Variants in SYT9 observed in about 807,000 individuals in gnomAD.
The protein encoded by SYT9 is synaptotagmin 9, also known as synaptotagmin-9.
Under a neutral mutation model 48.4 loss-of-function variants are expected in SYT9, and 22 were observed. That is an observed-to-expected ratio of 0.45 (90% confidence interval 0.32 to 0.65). The LOEUF (loss-of-function observed/expected upper bound fraction) is 0.65. Among genes scored for constraint, SYT9 ranks in the 30% least tolerant of loss-of-function variants. SYT9 has a pLI of 0.03. For synonymous variants in SYT9, 265 were observed against 245.0 expected (o/e 1.08, Z -0.76); for missense variants, 577 against 622.0 (o/e 0.93, Z 0.77).
At chr11:7,394,552 C>T (rs1846708359) in intron 3 of SYT9, among the ~76,000 whole-genome samples, 1 of 152,026 alleles carries the variant, frequency 6.6e-6, no homozygotes, top group South Asian at 2.1e-4. Flanking sequence ...CTTGATTGTG[C>T]TTGTTTAGAT....
intron 3 of SYT9, among the ~76,000 whole-genome samples, chr11:7,387,328 G>T (rs942424083): frequency 6.6e-6 from 1 of 151,552 alleles, no homozygotes; most frequent in Non-Finnish European, 1.5e-5. Flanking sequence ...GAACTATGAG[G>T]AATAACCCTA....
At position 7,454,333 on chromosome 11, in the gene SYT9, T is replaced by C. The variant is rs1014036981; in HGVS notation, c.1468-12459T>C. Reference sequence around the variant, plus strand: ...TCCAGATGATGCTTACCATTTCCGCTCTCTGCTGCACTCCAGGCTTCTCTA... The same window carrying C: ...TCCAGATGATGCTTACCATTTCCGCCCTCTGCTGCACTCCAGGCTTCTCTA... On this transcript the variant is annotated intron_variant, in intron 6 of 6. Coordinates refer to ENST00000318881, the MANE Select transcript of SYT9 (RefSeq NM_175733.4). 5.1e-6 allele frequency: 5 copies of C among 982,758 alleles called. No homozygotes were observed. In the African/African-American group the frequency reaches 8.7e-5, roughly 17 times the overall value. The allele number at this position is 982,758 out of a possible 1,614,324, so 60.9% of individuals were successfully genotyped here. A position where few individuals can be genotyped will look rare whatever the true frequency, so the allele number is the denominator to read the frequency against.
chr11:7,468,145 C>A lies in SYT9; in HGVS notation c.*1345C>A, dbSNP rs1163189186. On this transcript the variant is annotated 3_prime_UTR_variant, in exon 7 of 7. Transcript: ENST00000318881. ...CCAAGATAGTATTTTTCTTTTCACA[C>A]AATCTCTTTACAGCAGAATCCAGAG... 1 of 397,522 alleles carries A rather than the reference C, an allele frequency of 2.5e-6. No individual in the cohort carries two copies. Among genetic ancestry groups the A allele is most frequent in the Non-Finnish European group, 4.4e-6 (1 of 225,456 alleles). 24.6% of individuals were successfully genotyped at this position (397,522 alleles called of 1,614,324 possible). A position where few individuals can be genotyped will look rare whatever the true frequency, so the allele number is the denominator to read the frequency against.
intron 5 of SYT9, among the ~76,000 whole-genome samples, chr11:7,418,822 C>T (rs547901903): frequency 6.6e-6 from 1 of 152,306 alleles, no homozygotes; most frequent in African/African-American, 2.4e-5. Context: ...GAAGTACCAA[C>T]AGGGAATTAT....
At chr11:7,406,404 T>A (rs941977181) in intron 3 of SYT9, among the ~76,000 whole-genome samples, 1 of 152,020 alleles carries the variant, frequency 6.6e-6, no homozygotes, top group African/African-American at 2.4e-5. Flanking sequence ...CTCCCACATA[T>A]GAGTGAGAAC....
chr11:7,424,364 T>C (rs540700290), intron 6 of SYT9, among the ~76,000 whole-genome samples: 11 of 152,244 alleles, frequency 7.2e-5, no homozygotes, highest in Non-Finnish European at 1.0e-4. Context: ...ACCCCCTCCA[T>C]AGGGCCTCAG....
At chr11:7,286,765 T>A (rs200863865) in intron 1 of SYT9, among the ~76,000 whole-genome samples, 1 of 152,288 alleles carries the variant, frequency 6.6e-6, no homozygotes, top group East Asian at 1.9e-4. Flanking sequence ...ATGCTGCCAG[T>A]CTCTTTGCAT....
chr11:7,341,539 C>T (rs1026356095), intron 3 of SYT9, among the ~76,000 whole-genome samples: 1 of 152,158 alleles, frequency 6.6e-6, no homozygotes. Flanking sequence ...CCTCTTTCAC[C>T]TTCTGCCATG....
chr11:7,255,816 A>G (rs1280254822), intron 1 of SYT9, among the ~76,000 whole-genome samples: 1 of 152,210 alleles, frequency 6.6e-6, no homozygotes, highest in East Asian at 1.9e-4. Flanking sequence ...GCCTCTTTAG[A>G]TAGCCAAGCT....
At chr11:7,319,171 T>TTC (rs1175470847) in intron 3 of SYT9, among the ~76,000 whole-genome samples, 3 of 143,312 alleles carry the variant, frequency 2.1e-5, no homozygotes, top group Non-Finnish European at 4.5e-5. Flanking sequence ...TTCTTCTTTT[T>TTC]TTTTTTCTTT....
chr11:7,420,837 T>C (rs528904878), intron 6 of SYT9, among the ~76,000 whole-genome samples: 32 of 152,336 alleles, frequency 2.1e-4, no homozygotes, highest in African/African-American at 7.2e-4. Flanking sequence ...GTTTTGAGTA[T>C]TGATCAGAGA....
chr11:7,304,909 A>C (rs532779285), intron 2 of SYT9, among the ~76,000 whole-genome samples: 1 of 152,070 alleles, frequency 6.6e-6, no homozygotes, highest in Non-Finnish European at 1.5e-5. Context: ...ATTGCCCCCT[A>C]TTTGGTTCTA....
chr11:7,319,246 A>G (rs1419002272), intron 3 of SYT9, among the ~76,000 whole-genome samples: 1 of 73,090 alleles, frequency 1.4e-5, no homozygotes, highest in Middle Eastern at 0.013. Context: ...GCCCAGGGCT[A>G]TTTCTTGAGG....
At chr11:7,286,940 G>C (rs538732923) in intron 1 of SYT9, among the ~76,000 whole-genome samples, 1 of 152,246 alleles carries the variant, frequency 6.6e-6, no homozygotes, top group Admixed American at 6.5e-5. Flanking sequence ...GTCTTCTTCT[G>C]AGCCCTCCAA....
intron 6 of SYT9, among the ~76,000 whole-genome samples, chr11:7,466,522 C>A (rs11601174): frequency 0.43 from 64,696 of 151,650 alleles, 14,860 homozygotes; most frequent in African/African-American, 0.6. Context: ...GGAGTTCGAG[C>A]CCAGCCTGGC....
intron 3 of SYT9, among the ~76,000 whole-genome samples, chr11:7,330,788 C>A (rs1364126387): frequency 6.6e-6 from 1 of 152,086 alleles, no homozygotes; most frequent in Non-Finnish European, 1.5e-5. Context: ...CCTTTGCCTC[C>A]CGGGTTCAAG....
chr11:7,460,717 G>A (rs977095614), intron 6 of SYT9, among the ~76,000 whole-genome samples: 3 of 152,076 alleles, frequency 2.0e-5, no homozygotes, highest in Admixed American at 1.3e-4. Context: ...ATTTTCTAGT[G>A]TATCAGATTG....
intron 1 of SYT9, among the ~76,000 whole-genome samples, chr11:7,263,048 G>C (rs1224080553): frequency 6.6e-6 from 1 of 152,138 alleles, no homozygotes; most frequent in East Asian, 1.9e-4. Context: ...CCTTGGTTGA[G>C]AAGTTGGGTA....
chr11:7,272,672 T>C (rs1036240702), intron 1 of SYT9, among the ~76,000 whole-genome samples: 4 of 152,140 alleles, frequency 2.6e-5, no homozygotes, highest in African/African-American at 4.8e-5. Flanking sequence ...AAACAGGCAA[T>C]TGAAACTCAG....
Sources: gnomAD v4.1 joint callset for allele counts (sites outside exome capture counted in the v4.1 genomes callset) on GRCh38, gnomAD v4.1.1 for gene constraint, MANE v1.5 for transcripts, NCBI Gene and HGNC (gene_info 2026-07-23, HGNC 2026-07-21) for gene names.